EIF2AK3: variants seen among roughly 807,000 people sequenced by gnomAD.
The protein encoded by EIF2AK3 is eukaryotic translation initiation factor 2-alpha kinase 3.
Under a neutral mutation model 113.5 loss-of-function variants are expected in EIF2AK3, and 50 were observed. The observed-to-expected ratio is 0.44, with a 90% confidence interval of 0.35 to 0.56. The LOEUF (loss-of-function observed/expected upper bound fraction) is 0.56. EIF2AK3 is among the 20% of genes least tolerant of loss of function. EIF2AK3 has a pLI of 0.00. For synonymous variants in EIF2AK3, 448 were observed against 495.4 expected, an observed-to-expected ratio of 0.90 and a Z score of 1.27; for missense variants, 1,185 against 1,378.0, an observed-to-expected ratio of 0.86 and a Z score of 2.22.
At position 88,613,768 on chromosome 2, in the gene EIF2AK3, C is replaced by T. The variant is rs144124418; in HGVS notation, c.394G>A (p.Val132Met). The change falls in exon 2 of 17, where the codon GTG becomes ATG. Residue 132 changes from valine (V) to methionine (M), a missense_variant. Transcript: ENST00000303236. The part of the protein sequence containing the change: ...NHGKKQWDLD[V>M]GSGSLVSSSL... ...GATGACACCAAGGAACCGGATCCCA[C>T]ATCCAAATCCCACTGCTTTTTACCA... 1.6e-4 allele frequency: 261 copies of T among 1,614,124 alleles called. 1 individual carries two copies. In the African/African-American group the frequency reaches 2.8e-3, roughly 18 times the overall value.
Position 88,585,968 on chromosome 2 carries a change from T to C in EIF2AK3, c.1523A>G (p.Lys508Arg). 6.2e-7 allele frequency: 1 copy of C among 1,614,172 alleles called. No homozygotes were observed. ...VRFLDNPHYN[K>R]NIRKKDPVLL... ...AACAGGATCCTTTTTGCGGATATTC[T>C]TGTTGTAATGTGGGTTGTCGAGGAA... The change falls in exon 9 of 17, where the codon AAG (lysine) becomes AGG (arginine). Residue 508 changes from lysine to arginine, a missense_variant. Transcript: ENST00000303236.
chr2:88,575,103 G>T lies in EIF2AK3; in HGVS notation c.2380C>A (p.Pro794Thr). The T allele has an allele frequency of 6.2e-7, 1 of 1,614,148 alleles. No individual in the cohort carries two copies. Among genetic ancestry groups the T allele is most frequent in the Non-Finnish European group, 8.5e-7 (1 of 1,180,018 alleles). Residue 794 changes from proline to threonine, a missense_variant, in exon 13 of 17, where the codon CCT becomes ACT. Coordinates refer to ENST00000303236, the MANE Select transcript of EIF2AK3 (RefSeq NM_004836.7). ...SFELCPSEAS[P>T]YVRSRERTSS... is the part of the protein sequence containing the mutation. ...GTTCTCTCCCTTGACCTTACATAAG[G>T]AGAAGCTTCAGAAGGACAAAGTTCA...
chr2:88,588,180 G>A (rs150134490), intron 7 of EIF2AK3, 76 bp from the exon 8 acceptor site: 439 of 978,184 alleles, frequency 4.5e-4, no homozygotes, highest in Admixed American at 6.3e-4. Context: ...AAAAATGCAC[G>A]TGCTTAATTG....
At position 88,562,998 on chromosome 2, in the gene EIF2AK3, C is replaced by T. The variant is rs142450102; in HGVS notation, c.2986-608G>A. On this transcript the variant is annotated intron_variant, in intron 14 of 16. Transcript: ENST00000303236. ...CACTGGGGCTAAGTATAGAGAAGGC[C>T]CTCAATAAATACTTAGTTGTTAAAA... Among the ~76,000 whole-genome samples the T allele has an allele frequency of 5.2e-3, 790 of 152,134 alleles. 6 individuals are homozygous for T. The highest frequency in any genetic ancestry group is 0.018 in the African/African-American group (757 of 41,518).
chr2:88,588,991 CTA>C, intron 6 of EIF2AK3, 90 bp from the exon 7 acceptor site: 1 of 1,399,438 alleles, frequency 7.1e-7, no homozygotes, highest in Non-Finnish European at 9.9e-7. Flanking sequence ...CCAGTTATTT[CTA>C]CATACACCAC....
rs1380016583 is a variant in EIF2AK3 at position 88,595,616 on chromosome 2, G to A, written c.486C>T (p.Phe162=). 1.2e-6 allele frequency: 2 copies of A among 1,614,006 alleles called. No individual in the cohort carries two copies. Among genetic ancestry groups the A allele is most frequent in the Non-Finnish European group, 1.7e-6 (2 of 1,179,976 alleles). The change falls in exon 3 of 17, where the codon TTC becomes TTT. Residue 162 remains phenylalanine, a synonymous_variant. Coordinates refer to ENST00000303236, the MANE Select transcript of EIF2AK3 (RefSeq NM_004836.7). The part of the protein sequence containing the change: ...MIIPSLDGAL[F]QWDQDRESME... ...TGCTTTCACGGTCTTGGTCCCACTG[G>A]AAGAGGGCTCCATCCAGGGAAGGAA...
In EIF2AK3 at chr2:88,557,291, G is replaced by C. The variant is rs770715558; in HGVS notation, c.*445C>G. The C allele has an allele frequency of 1.7e-5, 3 of 175,972 alleles. No homozygotes were observed. Among genetic ancestry groups the C allele is most frequent in the Non-Finnish European group, 3.7e-5 (3 of 81,420 alleles). 10.9% of individuals were successfully genotyped at this position (175,972 alleles called of 1,614,324 possible). The stretch of plus-strand genomic sequence containing the variant: ...AATTTACCCGCCAGGGACAAAAATG[G>C]AGTCAGCTTTTTCTAGAAATCAGTT... On this transcript the variant is annotated 3_prime_UTR_variant, in exon 17 of 17. Transcript: ENST00000303236.
chr2:88,595,685 T>C, intron 2 of EIF2AK3, 22 bp from the exon 3 acceptor site: 1 of 1,598,008 alleles, frequency 6.3e-7, no homozygotes, highest in Non-Finnish European at 8.6e-7. Flanking sequence ...GCTAACTTTT[T>C]AAAAGGGCCA....
Position 88,586,000 on chromosome 2 carries a change from T to C in EIF2AK3, c.1491A>G (p.Thr497=). The C allele has an allele frequency of 6.2e-7, 1 of 1,614,172 alleles. No homozygotes were observed. Among genetic ancestry groups the C allele is most frequent in the Non-Finnish European group, 8.5e-7 (1 of 1,180,010 alleles). ...AATGTGGGTTGTCGAGGAATCTGAC[T>C]GTAATCTGTGTGCTTCGTTTGTTCC... ...RERNKRSTQI[T]VRFLDNPHYN... Residue 497 remains threonine, a synonymous_variant, in exon 9 of 17, where the codon ACA becomes ACG. Coordinates refer to ENST00000303236, the MANE Select transcript of EIF2AK3 (RefSeq NM_004836.7).
Position 88,575,120 on chromosome 2 carries a change from C to G in EIF2AK3, c.2363G>C (p.Cys788Ser). 1 of 1,614,182 alleles carries G rather than the reference C, an allele frequency of 6.2e-7. No individual in the cohort carries two copies. The highest frequency in any genetic ancestry group is 1.1e-5 in the South Asian group (1 of 91,088). The part of the protein sequence containing the change: ...GNDEGHSFEL[C>S]PSEASPYVRS... ...TACATAAGGAGAAGCTTCAGAAGGACAAAGTTCAAAGGAGTGCCCCTCATC... is the reference window on the plus strand; with the variant it reads ...TACATAAGGAGAAGCTTCAGAAGGAGAAAGTTCAAAGGAGTGCCCCTCATC... The change falls in exon 13 of 17, where the codon TGT (cysteine) becomes TCT (serine). Residue 788 changes from cysteine to serine, a missense_variant. Cys to Ser is a moderately radical substitution (Grantham distance 112). Coordinates refer to ENST00000303236, the MANE Select transcript of EIF2AK3 (RefSeq NM_004836.7).
At chr2:88,619,623 A>G (rs577944425) in intron 1 of EIF2AK3, among the ~76,000 whole-genome samples, 96 of 152,148 alleles carry the variant, frequency 6.3e-4, no homozygotes, top group Non-Finnish European at 1.2e-3. Context: ...TTTAAACAAC[A>G]GCCATGTACT....
intron 8 of EIF2AK3, among the ~76,000 whole-genome samples, chr2:88,587,088 C>G (rs1674753844): frequency 6.6e-6 from 1 of 150,654 alleles, no homozygotes; most frequent in Non-Finnish European, 1.5e-5. Context: ...ATCTGTAGTC[C>G]CAGCTACTCG....
intron 1 of EIF2AK3, among the ~76,000 whole-genome samples, chr2:88,617,967 G>A (rs148290019): frequency 6.6e-6 from 1 of 152,174 alleles, no homozygotes; most frequent in African/African-American, 2.4e-5. Context: ...CTGCTTGGAG[G>A]GCCAGGAGTT....
chr2:88,559,588 GGAGAAA>G (rs752176247), intron 15 of EIF2AK3, among the ~76,000 whole-genome samples: 18 of 150,822 alleles, frequency 1.2e-4, no homozygotes, highest in Non-Finnish European at 2.7e-4. Context: ...GTGGAGGGAG[GGAGAAA>G]GAGAAAGGGG....
chr2:88,562,284 C>T lies in EIF2AK3; in HGVS notation c.3087+5G>A. 1 of 1,611,348 alleles carries T rather than the reference C, an allele frequency of 6.2e-7. No individual in the cohort carries two copies. Among genetic ancestry groups the T allele is most frequent in the Middle Eastern group, 1.7e-4 (1 of 6,056 alleles). ...ACTTTTTTTTTGAGTAGGGAGGGTA[C>T]TTACCCTGACTCTCTCCATCTGAGT... On this transcript the variant is annotated splice_donor_5th_base_variant and intron_variant, in intron 15 of 16. Coordinates refer to ENST00000303236, the MANE Select transcript of EIF2AK3 (RefSeq NM_004836.7).
rs1234486572 is a variant in EIF2AK3, at chr2:88,627,110, T to C, written c.165A>G (p.Ser55=). 2 of 1,531,976 alleles carry C rather than the reference T, an allele frequency of 1.3e-6. No homozygotes were observed. Among genetic ancestry groups the C allele is most frequent in the Non-Finnish European group, 1.7e-6 (2 of 1,146,972 alleles). The allele number at this position is 1,531,976 out of a possible 1,614,324, so 94.9% of individuals were successfully genotyped here. A position where few individuals can be genotyped will look rare whatever the true frequency, so the allele number is the denominator to read the frequency against. ...CGCCCGCCGCCGGTACTCGCGTCGC[T>C]GAGGTGGGAGCAGCGGCCGCCCCGA... ...FGLGAAAAPT[S]ATRVPAAGAV... is the part of the protein sequence containing the mutation. The change falls in exon 1 of 17, where the codon TCA becomes TCG. Residue 55 remains serine, a synonymous_variant. Transcript: ENST00000303236.
chr2:88,603,025 G>A (rs1381381563), intron 2 of EIF2AK3, among the ~76,000 whole-genome samples: 2 of 151,984 alleles, frequency 1.3e-5, no homozygotes, highest in East Asian at 1.9e-4. Flanking sequence ...TTATTATCTG[G>A]AAGTCTCCTT....
chr2:88,607,362 C>T (rs1675303501), intron 2 of EIF2AK3, among the ~76,000 whole-genome samples: 1 of 152,278 alleles, frequency 6.6e-6, no homozygotes, highest in Non-Finnish European at 1.5e-5. Context: ...AAATTCTTAG[C>T]TACTATTAAC....
At chr2:88,597,504 C>G (rs971899541) in intron 2 of EIF2AK3, among the ~76,000 whole-genome samples, 2 of 152,142 alleles carry the variant, frequency 1.3e-5, no homozygotes, top group African/African-American at 4.8e-5. Flanking sequence ...TAAAACTGAC[C>G]TTAAATAAAC....
Sources: gnomAD v4.1 joint callset for allele counts (sites outside exome capture counted in the v4.1 genomes callset) on GRCh38, gnomAD v4.1.1 for gene constraint, MANE v1.5 for transcripts, NCBI Gene and HGNC (gene_info 2026-07-23, HGNC 2026-07-21) for gene names.